CTNNA1: variants seen among roughly 807,000 people sequenced by gnomAD.
The protein encoded by CTNNA1 is catenin alpha 1.
Under a neutral mutation model 98.4 loss-of-function variants are expected in CTNNA1, and 37 were observed. The observed-to-expected ratio is 0.38, with a 90% confidence interval of 0.29 to 0.49. CTNNA1 has a LOEUF of 0.49. Among genes scored for constraint, CTNNA1 ranks in the 20% least tolerant of loss-of-function variants. The pLI, the probability that CTNNA1 is intolerant of heterozygous loss-of-function variation, is 0.95. For synonymous variants in CTNNA1, 404 were observed against 413.2 expected, an observed-to-expected ratio of 0.98 and a Z score of 0.27; for missense variants, 761 against 1,147.2, an observed-to-expected ratio of 0.66 and a Z score of 4.86.
At chr5:138,852,440 T>C (rs1763284293) in intron 7 of CTNNA1, among the ~76,000 whole-genome samples, 1 of 139,900 alleles carries the variant, frequency 7.1e-6, no homozygotes, top group African/African-American at 2.7e-5. Flanking sequence ...CTTCATACTT[T>C]ACATTTCTGC....
chr5:138,765,503 A>C (rs1224837743), intron 1 of CTNNA1, among the ~76,000 whole-genome samples: 1 of 152,160 alleles, frequency 6.6e-6, no homozygotes, highest in Non-Finnish European at 1.5e-5. Context: ...TCTCAATTGC[A>C]TCAGGAAAGG....
chr5:138,905,557 C>T (rs1274811649), intron 10 of CTNNA1, among the ~76,000 whole-genome samples: 1 of 152,194 alleles, frequency 6.6e-6, no homozygotes, highest in Admixed American at 6.5e-5. Flanking sequence ...CAGATAGTAA[C>T]TTAATTTGGC....
At chr5:138,769,533 T>C (rs931478237) in intron 1 of CTNNA1, among the ~76,000 whole-genome samples, 2 of 151,242 alleles carry the variant, frequency 1.3e-5, no homozygotes, top group Non-Finnish European at 2.9e-5. Flanking sequence ...ATTTTATTAT[T>C]TTATTTTATT....
chr5:138,886,366 A>C (rs1249961200), intron 8 of CTNNA1, 74 bp downstream of exon 8: 1 of 1,432,922 alleles, frequency 7.0e-7, no homozygotes. Context: ...CCTAATAAGC[A>C]CTGGCCTTAT....
At chr5:138,903,861 A>G (rs771569155) in intron 9 of CTNNA1, among the ~76,000 whole-genome samples, 1 of 152,180 alleles carries the variant, frequency 6.6e-6, no homozygotes, top group Non-Finnish European at 1.5e-5. Context: ...TGGTGTTCAA[A>G]TAAAATTCAT....
In CTNNA1 at chr5:138,874,797, CA is replaced by C. The variant is rs369952622; in HGVS notation, c.1063-11411del. 488 of 1,145,430 alleles carry C rather than the reference CA, an allele frequency of 4.3e-4. No individual in the cohort carries two copies. In the African/African-American group the frequency reaches 6.9e-3, roughly 16 times the overall value. The allele number at this position is 1,145,430 out of a possible 1,614,324, so 71.0% of individuals were successfully genotyped here. A position where few individuals can be genotyped will look rare whatever the true frequency, so the allele number is the denominator to read the frequency against. On this transcript the variant is annotated intron_variant, in intron 7 of 17. Coordinates refer to ENST00000302763, the MANE Select transcript of CTNNA1 (RefSeq NM_001903.5). The surrounding 1 kb of genome is among the most constrained non-coding windows in gnomAD (Gnocchi z 4.1). ...TCGATATATGCTTTTACCTAAACCT[CA>C]AAATCCAAAATATGATGGTGATTTC...
chr5:138,923,637 G>A (rs1168249716), intron 11 of CTNNA1, among the ~76,000 whole-genome samples: 1 of 152,038 alleles, frequency 6.6e-6, no homozygotes, highest in African/African-American at 2.4e-5. Flanking sequence ...CCATCCTCCC[G>A]CCTCAGCCTC....
At position 138,900,541 on chromosome 5, in the gene CTNNA1, A is replaced by G. The variant is rs576360692; in HGVS notation, c.1297-3808A>G. 2.6e-5 allele frequency among the ~76,000 whole-genome samples: 4 copies of G among 152,338 alleles called. 1 individual carries two copies. Among genetic ancestry groups the G allele is most frequent in the South Asian group, 4.1e-4 (2 of 4,828 alleles). The stretch of plus-strand genomic sequence containing the variant: ...TTCGACTTCAGTAAATCATAAATCT[A>G]TGTATAATAGAGAAAAATAGTCATT... On this transcript the variant is annotated intron_variant, in intron 9 of 17. Transcript: ENST00000302763.
rs144202120 is a variant in CTNNA1 at position 138,915,634 on chromosome 5, T to C, written c.1390-2108T>C. On this transcript the variant is annotated intron_variant, in intron 10 of 17. Coordinates refer to ENST00000302763, the MANE Select transcript of CTNNA1 (RefSeq NM_001903.5). ...GCGTTCATAGCAACATGATTCATAA[T>C]AGTCAAAGAGTGGCAATAATTCAAA... Among the ~76,000 whole-genome samples the C allele has an allele frequency of 9.2e-5, 14 of 152,316 alleles. No homozygotes were observed. In the East Asian group the frequency reaches 2.5e-3, roughly 27 times the overall value.
intron 3 of CTNNA1, among the ~76,000 whole-genome samples, chr5:138,801,882 C>G (rs1211887352): frequency 6.6e-6 from 1 of 152,156 alleles, no homozygotes; most frequent in Non-Finnish European, 1.5e-5. Context: ...GACCCTGCTG[C>G]TATTTAAAAC....
chr5:138,758,670 C>T (rs539053743), intron 1 of CTNNA1, among the ~76,000 whole-genome samples: 9 of 152,226 alleles, frequency 5.9e-5, no homozygotes, highest in South Asian at 4.1e-4. Context: ...CCACCACACC[C>T]GGCTGATATT....
chr5:138,790,300 T>C (rs981650636), intron 3 of CTNNA1, among the ~76,000 whole-genome samples: 2 of 152,242 alleles, frequency 1.3e-5, no homozygotes, highest in Non-Finnish European at 2.9e-5. Context: ...TAATTTATTT[T>C]CCTGTGACTT....
chr5:138,865,189 TC>T (rs768259927), intron 7 of CTNNA1, among the ~76,000 whole-genome samples: 11 of 152,174 alleles, frequency 7.2e-5, no homozygotes, highest in Non-Finnish European at 1.3e-4. Flanking sequence ...TTACTGGGTG[TC>T]CCTTGTGTGT....
chr5:138,796,556 A>G (rs1388787253), intron 3 of CTNNA1, among the ~76,000 whole-genome samples: 1 of 66,520 alleles, frequency 1.5e-5, no homozygotes, highest in Non-Finnish European at 2.9e-5. Flanking sequence ...AAAAAAAAAA[A>G]AAAGTAGTAG....
At chr5:138,918,826 G>T (rs1762329162) in intron 11 of CTNNA1, among the ~76,000 whole-genome samples, 1 of 152,148 alleles carries the variant, frequency 6.6e-6, no homozygotes, top group Non-Finnish European at 1.5e-5. Flanking sequence ...GTTTTTGTAG[G>T]GCTGAAACTA....
intron 7 of CTNNA1, among the ~76,000 whole-genome samples, chr5:138,832,953 G>A (rs539721731): frequency 2.8e-4 from 43 of 152,232 alleles, no homozygotes; most frequent in African/African-American, 9.6e-4. Flanking sequence ...TTTATTTCAT[G>A]CCTTTCATTC....
chr5:138,830,245 C>G (rs576058061), intron 7 of CTNNA1, among the ~76,000 whole-genome samples: 1 of 151,708 alleles, frequency 6.6e-6, no homozygotes, highest in Non-Finnish European at 1.5e-5. Flanking sequence ...CCCTGTAGTC[C>G]CAGCTACTCG....
chr5:138,830,862 G>A (rs1381833901), intron 7 of CTNNA1, among the ~76,000 whole-genome samples: 1 of 152,180 alleles, frequency 6.6e-6, no homozygotes. Context: ...GAAATTGCAA[G>A]GAGGTTGAGG....
chr5:138,809,616 G>T (rs530751851), intron 3 of CTNNA1, among the ~76,000 whole-genome samples: 1 of 152,316 alleles, frequency 6.6e-6, no homozygotes, highest in Non-Finnish European at 1.5e-5. Flanking sequence ...TTAATGAAGT[G>T]TGGTGGTTCT....
Sources: gnomAD v4.1 joint callset for allele counts (sites outside exome capture counted in the v4.1 genomes callset) on GRCh38, gnomAD v4.1.1 for gene constraint, Gnocchi (gnomAD v3.1) non-coding constraint, MANE v1.5 for transcripts, NCBI Gene and HGNC (gene_info 2026-07-23, HGNC 2026-07-21) for gene names.